Variants in STX7 observed in about 807,000 individuals in gnomAD.
STX7 encodes syntaxin-7.
In STX7, 34 loss-of-function variants were observed where a neutral mutation model predicts 39.6. That is an observed-to-expected ratio of 0.86 (90% CI 0.65 to 1.14). The LOEUF (loss-of-function observed/expected upper bound fraction) is 1.14. STX7 is among the 50% of genes most tolerant of loss of function. STX7 has a pLI of 0.00. For missense variants in STX7, 284 were observed against 310.4 expected (o/e 0.92, Z 0.64); for synonymous variants, 119 against 99.1 (o/e 1.20, Z -1.19).
intron 3 of STX7, among the ~76,000 whole-genome samples, chr6:132,473,770 C>A (rs1233885990): frequency 6.6e-6 from 1 of 151,824 alleles, no homozygotes; most frequent in African/African-American, 2.4e-5. Flanking sequence ...CACTTGGGGT[C>A]CTTTAAAATA....
At chr6:132,467,569 A>C (rs1362395434) in intron 8 of STX7, among the ~76,000 whole-genome samples, 1 of 152,144 alleles carries the variant, frequency 6.6e-6, no homozygotes, top group Non-Finnish European at 1.5e-5. Flanking sequence ...TGAATCTCCA[A>C]TGCCTAGATT....
intron 2 of STX7, among the ~76,000 whole-genome samples, chr6:132,479,294 G>T (rs759733190): frequency 2.2e-4 from 34 of 152,212 alleles, no homozygotes; most frequent in Non-Finnish European, 4.6e-4. Context: ...GGTATAAGCA[G>T]ATCTACAACT....
intron 2 of STX7, among the ~76,000 whole-genome samples, chr6:132,498,626 A>G (rs953411495): frequency 2.0e-5 from 3 of 152,244 alleles, no homozygotes; most frequent in Admixed American, 6.5e-5. Flanking sequence ...TTGTACTGAC[A>G]CAATTTCAAA....
intron 2 of STX7, among the ~76,000 whole-genome samples, chr6:132,485,194 C>A (rs1775104032): frequency 6.6e-6 from 1 of 152,114 alleles, no homozygotes; most frequent in Non-Finnish European, 1.5e-5. Context: ...CTGTTCCTTC[C>A]CCCCTCCATC....
At chr6:132,487,914 T>C (rs531376386) in intron 2 of STX7, among the ~76,000 whole-genome samples, 59 of 152,276 alleles carry the variant, frequency 3.9e-4, no homozygotes, top group Non-Finnish European at 8.8e-5. Flanking sequence ...CCACTATGAT[T>C]TGTATTTCCT....
intron 2 of STX7, among the ~76,000 whole-genome samples, chr6:132,480,221 T>C (rs1413423287): frequency 6.6e-6 from 1 of 152,212 alleles, no homozygotes; most frequent in East Asian, 1.9e-4. Context: ...TTCACTGCTC[T>C]GCCATGTATT....
At chr6:132,472,865 C>CG (rs35277789) in intron 3 of STX7, among the ~76,000 whole-genome samples, 47 of 151,580 alleles carry the variant, frequency 3.1e-4, no homozygotes, top group Non-Finnish European at 1.5e-4. Flanking sequence ...AAAAAAAAGG[C>CG]GGGGGGGAGG....
intron 2 of STX7, among the ~76,000 whole-genome samples, chr6:132,476,047 T>C (rs1185458547): frequency 6.6e-6 from 1 of 152,150 alleles, no homozygotes; most frequent in African/African-American, 2.4e-5. Flanking sequence ...AAATAAGTTA[T>C]TGTTAATAAA....
At chr6:132,461,442 G>C (rs1260516098) in intron 9 of STX7, among the ~76,000 whole-genome samples, 1 of 152,208 alleles carries the variant, frequency 6.6e-6, no homozygotes, top group East Asian at 1.9e-4. Flanking sequence ...AAGTAGCTGG[G>C]ATTACAGGCG....
intron 9 of STX7, among the ~76,000 whole-genome samples, chr6:132,462,582 GGT>G (rs71952617): frequency 0.066 from 9,597 of 144,808 alleles, 282 homozygotes; most frequent in Admixed American, 0.08. Context: ...CATTTGCAGG[GGT>G]GTGTGTGTGT....
intron 8 of STX7, among the ~76,000 whole-genome samples, chr6:132,465,624 T>G (rs1475525493): frequency 6.6e-6 from 1 of 152,226 alleles, no homozygotes; most frequent in Non-Finnish European, 1.5e-5. Context: ...TCATACTTTC[T>G]CTTCTCTCCT....
Position 132,458,772 on chromosome 6 carries a change from AT to A in STX7, c.*1985del, listed in dbSNP as rs1406705131. On this transcript the variant is annotated 3_prime_UTR_variant, in exon 10 of 10. Coordinates refer to ENST00000367941, the MANE Select transcript of STX7 (RefSeq NM_003569.3). ...GGGAAATTTTTCCCTCAAACTTAAT[AT>A]GTTTCTTAAACAAATTGAAGCCACT... The A allele has an allele frequency of 6.6e-6, 1 of 152,168 alleles. No individual in the cohort carries two copies. Among genetic ancestry groups the A allele is most frequent in the Non-Finnish European group, 1.5e-5 (1 of 68,028 alleles). The allele number at this position is 152,168 out of a possible 1,614,324, so 9.4% of individuals were successfully genotyped here.
At position 132,457,295 on chromosome 6, in the gene STX7, G is replaced by A. The variant is rs1357831037; in HGVS notation, c.*3463C>T. The stretch of plus-strand genomic sequence containing the variant: ...TTCCTACCTATCTTGTGACCTCAGT[G>A]AATGAGATGCTGCTTTATCCAATCT... On this transcript the variant is annotated 3_prime_UTR_variant, in exon 10 of 10. Transcript: ENST00000367941. 4 of 152,222 alleles carry A rather than the reference G, an allele frequency of 2.6e-5. No homozygotes were observed. The highest frequency in any genetic ancestry group is 1.3e-4 in the Admixed American group (2 of 15,276). 9.4% of individuals were successfully genotyped at this position (152,222 alleles called of 1,614,324 possible).
Position 132,463,938 on chromosome 6 carries a change from C to T in STX7, c.693+55G>A, listed in dbSNP as rs377408952. On this transcript the variant is annotated intron_variant, in intron 9 of 9. Transcript: ENST00000367941. Reference sequence around the variant, plus strand: ...TCCCTGCTTCCTCAACACAAACACACACACACACATACGAAAAGGATAAGT... The same window carrying T: ...TCCCTGCTTCCTCAACACAAACACATACACACACATACGAAAAGGATAAGT... 43 of 1,528,616 alleles carry T rather than the reference C, an allele frequency of 2.8e-5. No individual in the cohort carries two copies. The African/African-American group carries it at 5.2e-4, about 18-fold the overall frequency. The allele number at this position is 1,528,616 out of a possible 1,614,324, so 94.7% of individuals were successfully genotyped here.
At chr6:132,468,300 C>G in intron 8 of STX7, 103 bp downstream of exon 8, 2 of 894,066 alleles carry the variant, frequency 2.2e-6, no homozygotes, top group South Asian at 2.9e-5. Flanking sequence ...CCAGGGAAAC[C>G]AAAAAAGGGA....
chr6:132,507,852 C>T (rs1041976488), intron 1 of STX7, among the ~76,000 whole-genome samples: 1 of 152,214 alleles, frequency 6.6e-6, no homozygotes, highest in Admixed American at 6.5e-5. Context: ...TCTGGGGATG[C>T]TCCTCCATAT....
rs147943828 is a variant in STX7, at chr6:132,468,520, C to T, written c.538-45G>A. ...TTATTATAATCAGAAATTCAGTCCC[C>T]ATTCCATAAAAGAGGAAAAATTTTA... On this transcript the variant is annotated intron_variant, in intron 7 of 9. Coordinates refer to ENST00000367941, the MANE Select transcript of STX7 (RefSeq NM_003569.3). 3.2e-4 allele frequency: 486 copies of T among 1,508,108 alleles called. 3 individuals carry two copies. The African/African-American group carries it at 6.4e-3, about 20-fold the overall frequency. The allele number at this position is 1,508,108 out of a possible 1,614,324, so 93.4% of individuals were successfully genotyped here. A position where few individuals can be genotyped will look rare whatever the true frequency, so the allele number is the denominator to read the frequency against.
At chr6:132,502,422 C>A (rs1203131257) in intron 2 of STX7, among the ~76,000 whole-genome samples, 2 of 151,882 alleles carry the variant, frequency 1.3e-5, no homozygotes, top group African/African-American at 4.8e-5. Context: ...ACTAGAATCA[C>A]CCAAGGTATC....
intron 1 of STX7, among the ~76,000 whole-genome samples, chr6:132,511,338 C>T (rs1220932901): frequency 6.6e-6 from 1 of 152,208 alleles, no homozygotes; most frequent in East Asian, 1.9e-4. Flanking sequence ...ATGATCTCCA[C>T]GTGACTGGCT....
Sources: allele counts gnomAD v4.1 joint callset (sites outside exome capture counted in the v4.1 genomes callset), GRCh38; gene constraint gnomAD v4.1.1; transcripts MANE v1.5; gene names NCBI Gene and HGNC (gene_info 2026-07-23, HGNC 2026-07-21).